The following EFCAB6 variants were observed in gnomAD, a reference collection of about 807,000 sequenced individuals.
The protein encoded by EFCAB6 is EF-hand calcium-binding domain-containing protein 6.
EFCAB6 carries 156 observed loss-of-function variants against 169.8 expected under a neutral mutation model. That is an observed-to-expected ratio of 0.92 (90% CI 0.81 to 1.05). The LOEUF (loss-of-function observed/expected upper bound fraction) is 1.05, where lower values mean the gene tolerates loss of function less well. Among genes scored for constraint, EFCAB6 ranks in the 50% least tolerant of loss-of-function variants. The pLI is 0.00. For synonymous variants in EFCAB6, 698 were observed against 676.4 expected (o/e 1.03, Z -0.50); for missense variants, 1,800 against 1,829.1 (o/e 0.98, Z 0.29).
In EFCAB6 at chr22:43,584,689, G is replaced by GA. The variant is rs923492017; in HGVS notation, c.3033-4031dup. 5.9e-5 allele frequency among the ~76,000 whole-genome samples: 9 copies of GA among 151,730 alleles called. 1 individual carries two copies. In the South Asian group the frequency reaches 6.2e-4, roughly 11 times the overall value. On this transcript the variant is annotated intron_variant, in intron 24 of 31. Transcript: ENST00000262726. Reference sequence around the variant, plus strand: ...CTAGCATTCCTGTTTTACCTAAGTGGAAAAAAAACCCAATAAACATTTCTA... The same window carrying GA: ...CTAGCATTCCTGTTTTACCTAAGTGGAAAAAAAAACCCAATAAACATTTCTA...
chr22:43,731,292 G>A (rs2147616127), intron 8 of EFCAB6, among the ~76,000 whole-genome samples: 1 of 152,200 alleles, frequency 6.6e-6, no homozygotes, highest in Non-Finnish European at 1.5e-5. Context: ...GCCCTTTTCT[G>A]TTAAGATTTT....
chr22:43,657,929 C>A (rs1409149557), intron 17 of EFCAB6, among the ~76,000 whole-genome samples: 1 of 152,084 alleles, frequency 6.6e-6, no homozygotes, highest in Non-Finnish European at 1.5e-5. Flanking sequence ...CAAAAGTAAT[C>A]TTTTCAAAGG....
chr22:43,552,504 A>G (rs951204827), intron 27 of EFCAB6: 1 of 152,132 alleles, frequency 6.6e-6, no homozygotes, highest in East Asian at 1.9e-4. Context: ...AGCCATTCTG[A>G]CTGGCGTGAG....
intron 26 of EFCAB6, among the ~76,000 whole-genome samples, chr22:43,563,045 G>A (rs550835782): frequency 1.3e-5 from 2 of 152,196 alleles, no homozygotes; most frequent in East Asian, 1.9e-4. Flanking sequence ...CCTGGCCTGC[G>A]GCACCAGGGC....
At chr22:43,776,014 G>A (rs1010843239) in intron 3 of EFCAB6, among the ~76,000 whole-genome samples, 1 of 152,194 alleles carries the variant, frequency 6.6e-6, no homozygotes, top group African/African-American at 2.4e-5. Flanking sequence ...AATGACTGTT[G>A]CTATTTCGAG....
intron 27 of EFCAB6, among the ~76,000 whole-genome samples, chr22:43,542,383 C>G (rs1327256192): frequency 2.0e-5 from 3 of 152,190 alleles, no homozygotes; most frequent in African/African-American, 7.2e-5. Context: ...CGTTTGAGAC[C>G]AGCCTGGCCA....
At chr22:43,748,075 C>T (rs74427289) in intron 6 of EFCAB6, among the ~76,000 whole-genome samples, 17,816 of 152,156 alleles carry the variant, frequency 0.12, 1,125 homozygotes, top group South Asian at 0.18. Flanking sequence ...CCCACAACAC[C>T]AGTAGGTGCT....
At chr22:43,545,469 C>T (rs1291892050) in intron 27 of EFCAB6, among the ~76,000 whole-genome samples, 2 of 152,172 alleles carry the variant, frequency 1.3e-5, no homozygotes, top group Admixed American at 6.5e-5. Flanking sequence ...CAAGGAAGTA[C>T]AGCGAATCAT....
In EFCAB6 at chr22:43,716,964, A is replaced by G. The variant is rs767770276; in HGVS notation, c.766T>C (p.Leu256=). 3.2e-6 allele frequency: 5 copies of G among 1,558,322 alleles called. No homozygotes were observed. The African/African-American group carries it at 4.1e-5, about 13-fold the overall frequency. The change falls in exon 9 of 32, where the codon TTG becomes CTG. Residue 256 remains leucine (L), a synonymous_variant. Coordinates refer to ENST00000262726, the MANE Select transcript of EFCAB6 (RefSeq NM_022785.4). ...RYCMGNQEVS[L]ENQQAKNSKK... ...GAATTTTTGGCTTGTTGATTCTCCA[A>G]CGAGACCTCTGTTGAAACAAAATAG... is the stretch of plus-strand genomic sequence containing the variant.
intron 8 of EFCAB6, among the ~76,000 whole-genome samples, chr22:43,729,226 C>G (rs1164667367): frequency 6.6e-6 from 1 of 152,146 alleles, no homozygotes; most frequent in African/African-American, 2.4e-5. Flanking sequence ...AAATACCTCC[C>G]ACTAGGTCCA....
intron 25 of EFCAB6, among the ~76,000 whole-genome samples, chr22:43,577,163 T>C (rs953468642): frequency 5.9e-5 from 9 of 152,196 alleles, no homozygotes; most frequent in Non-Finnish European, 8.8e-5. Flanking sequence ...TACAGTAGAG[T>C]AGTTAAACTG....
At chr22:43,665,521 T>G (rs746339469) in intron 17 of EFCAB6, among the ~76,000 whole-genome samples, 1 of 152,164 alleles carries the variant, frequency 6.6e-6, no homozygotes, top group Non-Finnish European at 1.5e-5. Flanking sequence ...TTGTGAGAGT[T>G]CAAGCTCATT....
At chr22:43,655,204 C>G (rs1313291914) in intron 17 of EFCAB6, among the ~76,000 whole-genome samples, 1 of 152,146 alleles carries the variant, frequency 6.6e-6, no homozygotes, top group East Asian at 1.9e-4. Context: ...TTGCAGTGAG[C>G]TGAGATCATG....
intron 26 of EFCAB6, among the ~76,000 whole-genome samples, chr22:43,566,005 G>T (rs1196342383): frequency 1.9e-5 from 1 of 52,592 alleles, no homozygotes; most frequent in African/African-American, 8.0e-5. Context: ...CAGGAAAACT[G>T]CCTGTCAAAA....
intron 2 of EFCAB6, among the ~76,000 whole-genome samples, chr22:43,805,845 T>C (rs2062897761): frequency 6.6e-6 from 1 of 152,120 alleles, no homozygotes; most frequent in Admixed American, 6.6e-5. Context: ...TATGCATCAA[T>C]AAAAATAAAT....
chr22:43,584,548 C>T (rs751174669), intron 24 of EFCAB6, among the ~76,000 whole-genome samples: 2 of 151,962 alleles, frequency 1.3e-5, no homozygotes, highest in Non-Finnish European at 2.9e-5. Context: ...AGGGGAAGAG[C>T]AATCCTGGTG....
intron 26 of EFCAB6, among the ~76,000 whole-genome samples, chr22:43,556,015 A>T (rs1187449385): frequency 6.6e-6 from 1 of 152,242 alleles, no homozygotes; most frequent in Non-Finnish European, 1.5e-5. Context: ...CATATGACAG[A>T]GGGAAGAGCC....
chr22:43,538,654 TG>T (rs1235938831), intron 28 of EFCAB6, among the ~76,000 whole-genome samples: 2 of 152,220 alleles, frequency 1.3e-5, no homozygotes, highest in Non-Finnish European at 2.9e-5. Context: ...CCCAAAGTGC[TG>T]GGAGTACAGG....
chr22:43,678,368 G>C (rs1371778205), intron 12 of EFCAB6, among the ~76,000 whole-genome samples: 1 of 89,782 alleles, frequency 1.1e-5, no homozygotes, highest in Non-Finnish European at 2.5e-5. Flanking sequence ...TGTGTGTGTA[G>C]GCTGAATGCT....
Sources: allele counts gnomAD v4.1 joint callset (sites outside exome capture counted in the v4.1 genomes callset), GRCh38; gene constraint gnomAD v4.1.1; transcripts MANE v1.5; gene names NCBI Gene and HGNC (gene_info 2026-07-23, HGNC 2026-07-21).